LINGO1: variants seen among roughly 807,000 people sequenced by gnomAD.
LINGO1 encodes the protein leucine rich repeat and Ig domain containing 1, also known as leucine-rich repeat and immunoglobulin-like domain-containing nogo receptor-interacting protein 1.
Under a neutral mutation model 37.3 loss-of-function variants are expected in LINGO1, and 11 were observed. The ratio of observed to expected loss-of-function variants is 0.29; its 90% CI spans 0.19 to 0.49. LINGO1 has a LOEUF of 0.49. LINGO1 is among the 20% of genes least tolerant of loss of function. The pLI is 0.99. For synonymous variants in LINGO1, 387 were observed against 403.0 expected (o/e 0.96, Z 0.48); for missense variants, 585 against 878.2 (o/e 0.67, Z 4.22).
At chr15:77,791,431 T>A (rs146321733), upstream of LINGO1, among the ~76,000 whole-genome samples, 1 of 151,866 alleles carries the variant, frequency 6.6e-6, no homozygotes, top group East Asian at 1.9e-4. Flanking sequence ...GATTTGCTGG[T>A]GGTTAAGAAA....
intron 1 of LINGO1, among the ~76,000 whole-genome samples, chr15:77,775,036 G>A (rs188855748): frequency 1.3e-5 from 2 of 152,316 alleles, no homozygotes; most frequent in African/African-American, 2.4e-5. Context: ...CCTCAGAGGC[G>A]ATGCATGTTG....
chr15:77,657,105 A>G (rs1295168647), intron 3 of LINGO1, among the ~76,000 whole-genome samples: 1 of 152,172 alleles, frequency 6.6e-6, no homozygotes, highest in Non-Finnish European at 1.5e-5. Context: ...TATAAAATGG[A>G]AGCTAATGCC....
At chr15:77,796,365 G>A (rs902558777) in intron 1 of LINGO1, among the ~76,000 whole-genome samples, 11 of 152,218 alleles carry the variant, frequency 7.2e-5, no homozygotes, top group Admixed American at 5.2e-4. Context: ...TCTGGGAAGC[G>A]CAGAGTTTGT....
At chr15:77,651,134 T>C (rs528900610) in intron 3 of LINGO1, among the ~76,000 whole-genome samples, 2 of 152,244 alleles carry the variant, frequency 1.3e-5, no homozygotes, top group East Asian at 3.9e-4. Context: ...GAAACTGCAT[T>C]GGAGGGAAGA....
At chr15:77,695,557 C>T (rs2075677371) in intron 1 of LINGO1, among the ~76,000 whole-genome samples, 1 of 152,230 alleles carries the variant, frequency 6.6e-6, no homozygotes, top group African/African-American at 2.4e-5. Context: ...TGAGAGTGCT[C>T]CCCAATCATT....
At chr15:77,815,568 G>A (rs1397629069) in intron 1 of LINGO1, among the ~76,000 whole-genome samples, 1 of 152,154 alleles carries the variant, frequency 6.6e-6, no homozygotes, top group Non-Finnish European at 1.5e-5. Flanking sequence ...GCAGACCCAT[G>A]GGCCTCAGCG....
intron 3 of LINGO1, among the ~76,000 whole-genome samples, chr15:77,667,502 A>C (rs1404299738): frequency 6.6e-6 from 1 of 152,120 alleles, no homozygotes; most frequent in African/African-American, 2.4e-5. Context: ...CGAGGACAGC[A>C]AGTCCCTGGT....
intron 3 of LINGO1, chr15:77,649,047 A>C (rs1418693451): frequency 6.6e-6 from 1 of 152,230 alleles, no homozygotes. Flanking sequence ...AACATAGGGA[A>C]GTGCCTTTCA....
chr15:77,691,370 C>G (rs1342851495), intron 1 of LINGO1, among the ~76,000 whole-genome samples: 1 of 152,122 alleles, frequency 6.6e-6, no homozygotes, highest in African/African-American at 2.4e-5. Flanking sequence ...CCTCCAACTC[C>G]CAGCCCTGAT....
chr15:77,776,526 A>AAGGCAGGAAGGC (rs1344764444), intron 1 of LINGO1, among the ~76,000 whole-genome samples: 14 of 35,768 alleles, frequency 3.9e-4, no homozygotes, highest in South Asian at 1.1e-3. Flanking sequence ...GGAAGGGAGG[A>AAGGCAGGAAGGC]AGGGAGGGAG....
chr15:77,762,924 T>C (rs541342529), intron 1 of LINGO1, among the ~76,000 whole-genome samples: 57 of 152,284 alleles, frequency 3.7e-4, no homozygotes, highest in Non-Finnish European at 7.2e-4. Context: ...GATTGCCCTC[T>C]GTCACCCCAG....
At chr15:77,815,179 C>T (rs1022388786) in intron 1 of LINGO1, among the ~76,000 whole-genome samples, 8 of 152,208 alleles carry the variant, frequency 5.3e-5, no homozygotes, top group African/African-American at 1.9e-4. Flanking sequence ...CCTCCTCCAG[C>T]GGCTGGCACC....
chr15:77,685,321 G>C (rs1431250609), intron 2 of LINGO1, among the ~76,000 whole-genome samples: 1 of 152,126 alleles, frequency 6.6e-6, no homozygotes, highest in Non-Finnish European at 1.5e-5. Context: ...GTGTGGCTGT[G>C]GCCTACTTTC....
At chr15:77,768,115 C>T (rs775656752) in intron 1 of LINGO1, among the ~76,000 whole-genome samples, 28 of 152,288 alleles carry the variant, frequency 1.8e-4, no homozygotes, top group Non-Finnish European at 3.1e-4. Context: ...CTCCTAAACA[C>T]CTGCTTTCCT....
rs374387056 is a variant in LINGO1, at chr15:77,614,287, C to T, written c.1620G>A (p.Glu540=). The T allele has an allele frequency of 3.7e-6, 6 of 1,613,892 alleles. No homozygotes were observed. The highest frequency in any genetic ancestry group is 1.6e-4 in the Middle Eastern group (1 of 6,084). ...AFISNQPGEG[E]ANSTRATVPF... Reference sequence around the variant, plus strand: ...GCACAGTGGCGCGGGTGCTGTTGGCCTCTCCCTCGCCCGGCTGGTTGGAGA... The same window carrying T: ...GCACAGTGGCGCGGGTGCTGTTGGCTTCTCCCTCGCCCGGCTGGTTGGAGA... Residue 540 remains glutamate (E), a synonymous_variant, in exon 2 of 2, where the codon GAG becomes GAA. Coordinates refer to ENST00000355300, the MANE Select transcript of LINGO1 (RefSeq NM_032808.7).
Position 77,689,022 on chromosome 15 carries a change from G to T in LINGO1, c.-99+1698C>A, listed in dbSNP as rs1406010169. On this transcript the variant is annotated intron_variant, in intron 2 of 3. Coordinates refer to the LINGO1 transcript ENST00000559893. ...GATGGACTAATGCAGAAAACCACAG[G>T]CCGGAGCAGTCAGCAGAGGCTTCCT... Among the ~76,000 whole-genome samples the T allele has an allele frequency of 2.0e-5, 3 of 152,174 alleles. No individual in the cohort carries two copies. The East Asian group carries it at 5.8e-4, about 29-fold the overall frequency.
chr15:77,714,770 G>C (rs2075963267), intron 2 of LINGO1, among the ~76,000 whole-genome samples: 1 of 152,162 alleles, frequency 6.6e-6, no homozygotes, highest in South Asian at 2.1e-4. Flanking sequence ...GCTTGCCTGG[G>C]CACGGGGGAG....
intron 2 of LINGO1, among the ~76,000 whole-genome samples, chr15:77,682,715 A>G (rs1462151079): frequency 6.6e-6 from 1 of 151,758 alleles, no homozygotes; most frequent in Non-Finnish European, 1.5e-5. Flanking sequence ...GCTGCTTCCT[A>G]TCCTCCTGCC....
intron 1 of LINGO1, among the ~76,000 whole-genome samples, chr15:77,766,599 A>G (rs541877973): frequency 1.2e-4 from 18 of 152,232 alleles, no homozygotes; most frequent in African/African-American, 4.1e-4. Context: ...CATTCTCGTG[A>G]AGTGAGTGCG....
Sources: gnomAD v4.1 joint callset for allele counts (sites outside exome capture counted in the v4.1 genomes callset) on GRCh38, gnomAD v4.1.1 for gene constraint, MANE v1.5 for transcripts, NCBI Gene and HGNC (gene_info 2026-07-23, HGNC 2026-07-21) for gene names.